Variants in ZBTB24 observed in about 807,000 individuals in gnomAD.
ZBTB24 encodes zinc finger and BTB domain-containing protein 24.
Under a neutral mutation model 53.8 loss-of-function variants are expected in ZBTB24, and 32 were observed. The ratio of observed to expected loss-of-function variants is 0.60; its 90% CI spans 0.45 to 0.80. The LOEUF is 0.80. Among genes scored for constraint, ZBTB24 ranks in the 30% least tolerant of loss-of-function variants. The pLI is 0.00. For missense variants in ZBTB24, 722 were observed against 837.1 expected (o/e 0.86, Z 1.70); for synonymous variants, 297 against 306.7 (o/e 0.97, Z 0.33).
intron 5 of ZBTB24, among the ~76,000 whole-genome samples, chr6:109,468,268 T>G (rs907597735): frequency 3.3e-5 from 5 of 152,150 alleles, no homozygotes; most frequent in African/African-American, 1.2e-4. Flanking sequence ...CTTGCTTCCC[T>G]GCCATAAACT....
chr6:109,465,523 C>A lies in ZBTB24; in HGVS notation c.*328G>T. 5.3e-6 allele frequency: 5 copies of A among 937,240 alleles called. No homozygotes were observed. The South Asian group carries it at 6.9e-5, about 13-fold the overall frequency. The allele number at this position is 937,240 out of a possible 1,614,324, so 58.1% of individuals were successfully genotyped here. A position where few individuals can be genotyped will look rare whatever the true frequency, so the allele number is the denominator to read the frequency against. On this transcript the variant is annotated 3_prime_UTR_variant, in exon 7 of 7. Transcript: ENST00000230122. Reference sequence around the variant, plus strand: ...ACTGGGGAGGTTGGCAAGACCATAACCTATGGCTGTGAACATTTAAACCTT... The same window carrying A: ...ACTGGGGAGGTTGGCAAGACCATAAACTATGGCTGTGAACATTTAAACCTT...
chr6:109,469,346 A>T (rs1776119232), intron 5 of ZBTB24, among the ~76,000 whole-genome samples: 2 of 152,228 alleles, frequency 1.3e-5, no homozygotes, highest in Non-Finnish European at 2.9e-5. Flanking sequence ...AATCATCCAT[A>T]ACAACATTAA....
At chr6:109,479,491 T>C (rs1776350910) in intron 2 of ZBTB24, among the ~76,000 whole-genome samples, 2 of 152,202 alleles carry the variant, frequency 1.3e-5, no homozygotes, top group Non-Finnish European at 2.9e-5. Context: ...TTCACACTAT[T>C]GTAAAGATGA....
Position 109,466,323 on chromosome 6 carries a change from G to T in ZBTB24, c.1622C>A (p.Pro541Gln). 1.2e-6 allele frequency: 2 copies of T among 1,614,202 alleles called. No individual in the cohort carries two copies. The highest frequency in any genetic ancestry group is 1.7e-6 in the Non-Finnish European group (2 of 1,180,038). Residue 541 changes from proline to glutamine, a missense_variant, in exon 7 of 7, where the codon CCA (proline) becomes CAA (glutamine). Coordinates refer to ENST00000230122, the MANE Select transcript of ZBTB24 (RefSeq NM_014797.3). ...CTCTCCCGAGGTAGAGAGTTGATAT[G>T]GCTGTAGCTGAAGAATATTCCTGAC... ...EEVRNILQLQ[P>Q]YQLSTSGEQE...
At chr6:109,477,756 C>G (rs761783126) in intron 2 of ZBTB24, among the ~76,000 whole-genome samples, 1 of 152,168 alleles carries the variant, frequency 6.6e-6, no homozygotes, top group Admixed American at 6.5e-5. Flanking sequence ...GAGACTCCCC[C>G]ACTCCTTCTT....
At chr6:109,482,182 C>G in intron 1 of ZBTB24, 128 bp from the exon 2 acceptor site, 1 of 793,724 alleles carries the variant, frequency 1.3e-6, no homozygotes, top group Non-Finnish European at 2.1e-6. Context: ...TGTCTGTCTA[C>G]AAACTTAGCT....
Position 109,476,909 on chromosome 6 carries a change from T to G in ZBTB24, c.974A>C (p.Asn325Thr), listed in dbSNP as rs1776289557. The G allele has an allele frequency of 6.2e-7, 1 of 1,613,956 alleles. No individual in the cohort carries two copies. The highest frequency in any genetic ancestry group is 1.1e-5 in the South Asian group (1 of 91,056). Residue 325 changes from asparagine to threonine, a missense_variant, in exon 3 of 7, where the codon AAT becomes ACT. By Grantham distance (65) the Asn-to-Thr change is moderately conservative. Coordinates refer to ENST00000230122, the MANE Select transcript of ZBTB24 (RefSeq NM_014797.3). ...CTGGGCAAAGCCTTTTCCACACTCATTACATTTGAAAGGTCGCTCCCCTGG... is the reference window on the plus strand; with the variant it reads ...CTGGGCAAAGCCTTTTCCACACTCAGTACATTTGAAAGGTCGCTCCCCTGG... ...SHTGERPFKC[N>T]ECGKGFAQKH... is the part of the protein sequence containing the mutation.
At chr6:109,478,162 C>A (rs535855457) in intron 2 of ZBTB24, among the ~76,000 whole-genome samples, 2 of 152,054 alleles carry the variant, frequency 1.3e-5, no homozygotes, top group Admixed American at 6.6e-5. Flanking sequence ...CCCAAATCTC[C>A]GTGATTTAGC....
At position 109,465,182 on chromosome 6, in the gene ZBTB24, A is replaced by C. The variant is rs1180157111; in HGVS notation, c.*669T>G. On this transcript the variant is annotated 3_prime_UTR_variant, in exon 7 of 7. Transcript: ENST00000230122. ...AAAGACGAATTCAGAATTTTAAGAAATCCTATGCTTTTGGCTATCTTGTTA... is the reference window on the plus strand; with the variant it reads ...AAAGACGAATTCAGAATTTTAAGAACTCCTATGCTTTTGGCTATCTTGTTA... 6.5e-6 allele frequency: 1 copy of C among 152,998 alleles called. No individual in the cohort carries two copies. The highest frequency in any genetic ancestry group is 1.5e-5 in the Non-Finnish European group (1 of 68,596). 9.5% of individuals were successfully genotyped at this position (152,998 alleles called of 1,614,324 possible).
chr6:109,476,134 A>G (rs1490536404), intron 4 of ZBTB24, 41 bp downstream of exon 4: 3 of 1,600,738 alleles, frequency 1.9e-6, no homozygotes, highest in Non-Finnish European at 1.7e-6. Flanking sequence ...TCTTATTTGC[A>G]TTTCTTCCCC....
At position 109,482,023 on chromosome 6, in the gene ZBTB24, C is replaced by A. The variant is rs1206688312; in HGVS notation, c.4G>T (p.Ala2Ser). ...CCAGAAGGCTCTGGCGATGTTTCTG[C>A]CATTTTCTTCAGAAGCCACTAAGGG... M[A>S]ETSPEPSGQL... is the part of the protein sequence containing the mutation. The change falls in exon 2 of 7, where the codon GCA becomes TCA. Residue 2 changes from alanine to serine, a missense_variant. Coordinates refer to ENST00000230122, the MANE Select transcript of ZBTB24 (RefSeq NM_014797.3). 1.9e-6 allele frequency: 3 copies of A among 1,613,794 alleles called. No individual in the cohort carries two copies. Among genetic ancestry groups the A allele is most frequent in the Admixed American group, 1.7e-5 (1 of 59,996 alleles).
In ZBTB24 at chr6:109,481,562, G is replaced by T; in HGVS notation, c.465C>A (p.Asn155Lys). Residue 155 changes from asparagine to lysine, a missense_variant, in exon 2 of 7, where the codon AAC becomes AAA. Physicochemically the swap from Asn to Lys is moderately conservative, Grantham distance 94 (BLOSUM62 0). Coordinates refer to ENST00000230122, the MANE Select transcript of ZBTB24 (RefSeq NM_014797.3). ...TTCCCCGTTTCCGCTTTGGAGGATC[G>T]TTTTTCTTATTAGAGATAACAACCA... ...APVVVISNKK[N>K]DPPKRKRGRP... 6.2e-7 allele frequency: 1 copy of T among 1,614,150 alleles called. No individual in the cohort carries two copies. The highest frequency in any genetic ancestry group is 8.5e-7 in the Non-Finnish European group (1 of 1,180,034).
At position 109,467,457 on chromosome 6, in the gene ZBTB24, C is replaced by T. The variant is rs1202606836; in HGVS notation, c.1370+196G>A. 5.6e-6 allele frequency: 5 copies of T among 898,452 alleles called. No homozygotes were observed. In the African/African-American group the frequency reaches 9.0e-5, roughly 16 times the overall value. 55.7% of individuals were successfully genotyped at this position (898,452 alleles called of 1,614,324 possible). On this transcript the variant is annotated intron_variant, in intron 6 of 6. Coordinates refer to ENST00000230122, the MANE Select transcript of ZBTB24 (RefSeq NM_014797.3). ...ACTCCCACCTGCACTCCACTCACAC[C>T]ACTGCACTCCAGCCTGGGCGACAGT...
In ZBTB24 at chr6:109,466,395, T is replaced by C; in HGVS notation, c.1550A>G (p.His517Arg). The C allele has an allele frequency of 6.2e-7, 1 of 1,614,226 alleles. No individual in the cohort carries two copies. The highest frequency in any genetic ancestry group is 1.3e-5 in the African/African-American group (1 of 75,050). ...AHLKIHSKEK[H>R]ASDASSISGS... ...AGAAATGCTGCTGGCATCTGAAGCATGCTTCTCCTTGCTATGAATTTTCAA... is the reference window on the plus strand; with the variant it reads ...AGAAATGCTGCTGGCATCTGAAGCACGCTTCTCCTTGCTATGAATTTTCAA... Residue 517 changes from histidine (H) to arginine (R), a missense_variant, in exon 7 of 7, where the codon CAT (histidine) becomes CGT (arginine). Physicochemically the swap from His to Arg is conservative, Grantham distance 29 (BLOSUM62 0). Transcript: ENST00000230122.
intron 1 of ZBTB24, 57 bp from the exon 2 acceptor site, chr6:109,482,111 C>T (rs781610091): frequency 8.4e-7 from 1 of 1,196,334 alleles, no homozygotes; most frequent in Non-Finnish European, 1.2e-6. Context: ...AGGTTAATGC[C>T]AGCCCACATG....
chr6:109,475,578 C>T, intron 4 of ZBTB24, 96 bp from the exon 5 acceptor site: 1 of 1,450,226 alleles, frequency 6.9e-7, no homozygotes, highest in Non-Finnish European at 9.6e-7. Flanking sequence ...AAAATAATCA[C>T]TTTAAATATA....
rs769178596 is a variant in ZBTB24 at position 109,466,083 on chromosome 6, T to C, written c.1862A>G (p.Asn621Ser). The change falls in exon 7 of 7, where the codon AAT becomes AGT. Residue 621 changes from asparagine (N) to serine (S), a missense_variant. Physicochemically the swap from Asn to Ser is conservative, Grantham distance 46. Coordinates refer to ENST00000230122, the MANE Select transcript of ZBTB24 (RefSeq NM_014797.3). ...GGGCCCCATCTGGCTTTCAATCATA[T>C]TGAGGCTCTGAATGTGTTCTGTTTG... ...QEQTEHIQSL[N>S]MIESQMGPSQ... 3.1e-6 allele frequency: 5 copies of C among 1,614,132 alleles called. No homozygotes were observed. The East Asian group carries it at 6.7e-5, about 22-fold the overall frequency.
Position 109,476,233 on chromosome 6 carries a change from T to C in ZBTB24, c.1146A>G (p.Gln382=), listed in dbSNP as rs746345312. The C allele has an allele frequency of 6.2e-6, 10 of 1,614,038 alleles. No homozygotes were observed. Among genetic ancestry groups the C allele is most frequent in the Admixed American group, 5.0e-5 (3 of 60,004 alleles). The change falls in exon 4 of 7, where the codon CAA becomes CAG. Residue 382 remains glutamine (Q), a synonymous_variant. Transcript: ENST00000230122. ...TGTTCTGGCTGAAATATTTTCCGCA[T>C]TGATCACAGGTAAAAGACTTCTGTC... ...HSGQKSFTCD[Q]CGKYFSQNRQ...
At position 109,465,661 on chromosome 6, in the gene ZBTB24, T is replaced by C. The variant is rs763686963; in HGVS notation, c.*190A>G. On this transcript the variant is annotated 3_prime_UTR_variant, in exon 7 of 7. Transcript: ENST00000230122. ...TATTGAAATGCTCAATACAAATCAG[T>C]ACCTTAGACAAGACATACACACATC... 8 of 1,572,836 alleles carry C rather than the reference T, an allele frequency of 5.1e-6. No individual in the cohort carries two copies. The highest frequency in any genetic ancestry group is 3.4e-5 in the South Asian group (3 of 88,176).
Sources: allele counts gnomAD v4.1 joint callset (sites outside exome capture counted in the v4.1 genomes callset), GRCh38; gene constraint gnomAD v4.1.1; transcripts MANE v1.5; gene names NCBI Gene and HGNC (gene_info 2026-07-23, HGNC 2026-07-21).